Variants in ARFGAP1 observed in about 807,000 individuals in gnomAD.
ARFGAP1 encodes ARF GTPase activating protein 1, also known as ADP-ribosylation factor GTPase-activating protein 1.
ARFGAP1 carries 26 observed loss-of-function variants against 54.0 expected under a neutral mutation model. The ratio of observed to expected loss-of-function variants is 0.48; its 90% CI spans 0.35 to 0.67. ARFGAP1 has a LOEUF of 0.67. ARFGAP1 is among the 30% of genes least tolerant of loss of function. The probability of loss-of-function intolerance (pLI) is 0.00; values close to 1 mark genes in which losing one functional copy is unlikely to be tolerated. For synonymous variants in ARFGAP1, 248 were observed against 211.9 expected (o/e 1.17, Z -1.48); for missense variants, 525 against 535.8 (o/e 0.98, Z 0.20).
chr20:63,288,066 G>A lies in ARFGAP1; in HGVS notation c.*193G>A, dbSNP rs142784908. ...TGGGGAGTCTTCGGTGCGTGGGGGC[G>A]GCTTGCTGTCCAGCCTGTGTGGGGG... On this transcript the variant is annotated 3_prime_UTR_variant, in exon 13 of 13. Coordinates refer to ENST00000370283, the MANE Select transcript of ARFGAP1 (RefSeq NM_018209.4). The A allele has an allele frequency of 3.1e-5, 21 of 678,902 alleles. No individual in the cohort carries two copies. The highest frequency in any genetic ancestry group is 5.4e-5 in the African/African-American group (3 of 55,296). 42.1% of individuals were successfully genotyped at this position (678,902 alleles called of 1,614,324 possible).
intron 8 of ARFGAP1, among the ~76,000 whole-genome samples, chr20:63,281,820 G>A (rs2067388164): frequency 6.6e-6 from 1 of 152,194 alleles, no homozygotes; most frequent in African/African-American, 2.4e-5. Flanking sequence ...AGAGACCCAA[G>A]AGCAGGCCTG....
chr20:63,275,599 A>G lies in ARFGAP1; in HGVS notation c.19A>G (p.Arg7Gly), dbSNP rs958623163. Residue 7 changes from arginine to glycine, a missense_variant, in exon 2 of 13, where the codon AGG becomes GGG. Transcript: ENST00000370283. ...CAGCATCATGGCCAGCCCAAGAACC[A>G]GGAAGGTTCTTAAAGAAGTCAGGGT... The part of the protein sequence containing the change: MASPRT[R>G]KVLKEVRVQD... 1.2e-6 allele frequency: 2 copies of G among 1,613,802 alleles called. No individual in the cohort carries two copies. The highest frequency in any genetic ancestry group is 1.7e-6 in the Non-Finnish European group (2 of 1,180,002).
intron 1 of ARFGAP1, among the ~76,000 whole-genome samples, chr20:63,274,399 T>A (rs1944912100): frequency 6.8e-6 from 1 of 146,612 alleles, no homozygotes; most frequent in Admixed American, 7.2e-5. Context: ...TTTTGTTTTT[T>A]GTTTTTTAAA....
At chr20:63,286,253 T>G in intron 11 of ARFGAP1, 113 bp from the exon 12 acceptor site, 1 of 1,560,936 alleles carries the variant, frequency 6.4e-7, no homozygotes, top group South Asian at 1.2e-5. Flanking sequence ...GTTTCTGGAT[T>G]TTGCCTGGGT....
At chr20:63,282,118 C>T (rs1437903851) in intron 8 of ARFGAP1, among the ~76,000 whole-genome samples, 2 of 151,864 alleles carry the variant, frequency 1.3e-5, no homozygotes, top group East Asian at 1.9e-4. Flanking sequence ...GCACCTGTCA[C>T]ATGCCCCTGT....
At chr20:63,279,313 C>T (rs1291190664) in intron 7 of ARFGAP1, 1 of 452,678 alleles carries the variant, frequency 2.2e-6, no homozygotes, top group East Asian at 5.7e-5. Flanking sequence ...TCAGGTGATT[C>T]TCCTGCCTCA....
chr20:63,281,674 G>A (rs1406943128), intron 8 of ARFGAP1, among the ~76,000 whole-genome samples: 3 of 152,148 alleles, frequency 2.0e-5, no homozygotes, highest in Non-Finnish European at 4.4e-5. Context: ...GCAGGTCTCC[G>A]GCACCCTGTG....
At chr20:63,284,458 C>G in intron 9 of ARFGAP1, 1 of 1,100,382 alleles carries the variant, frequency 9.1e-7, no homozygotes, top group Non-Finnish European at 1.1e-6. Flanking sequence ...TCCGTGCCCT[C>G]TTCCCTCCAG....
In ARFGAP1 at chr20:63,288,513, G is replaced by A; in HGVS notation, c.*640G>A. On this transcript the variant is annotated 3_prime_UTR_variant, in exon 13 of 13. Transcript: ENST00000370283. Reference sequence around the variant, plus strand: ...ACCACCAAGTTCACCAGGTTCACCAGACACGGCCTCCACAATAGCCACACC... The same window carrying A: ...ACCACCAAGTTCACCAGGTTCACCAAACACGGCCTCCACAATAGCCACACC... The A allele has an allele frequency of 2.2e-6, 1 of 456,044 alleles. No homozygotes were observed. The highest frequency in any genetic ancestry group is 4.4e-6 in the Non-Finnish European group (1 of 226,776). The allele number at this position is 456,044 out of a possible 1,614,324, so 28.2% of individuals were successfully genotyped here. A position where few individuals can be genotyped will look rare whatever the true frequency, so the allele number is the denominator to read the frequency against.
In ARFGAP1 at chr20:63,276,344, C is replaced by A; in HGVS notation, c.171-136C>A. 1 of 1,372,284 alleles carries A rather than the reference C, an allele frequency of 7.3e-7. No individual in the cohort carries two copies. Among genetic ancestry groups the A allele is most frequent in the Non-Finnish European group, 1.0e-6 (1 of 989,126 alleles). 85.0% of individuals were successfully genotyped at this position (1,372,284 alleles called of 1,614,324 possible). A position where few individuals can be genotyped will look rare whatever the true frequency, so the allele number is the denominator to read the frequency against. On this transcript the variant is annotated intron_variant, in intron 3 of 12. Transcript: ENST00000370283. This position sits in a 1 kb window ranked among gnomAD's most constrained non-coding sequence, Gnocchi z 5.2. ...TGTCCACTCTAGTGACGCCATGGCA[C>A]AGAGTTCCAGCTGCTGGCCACTCAG...
chr20:63,286,327 G>T, intron 11 of ARFGAP1, 39 bp from the exon 12 acceptor site: 2 of 1,608,206 alleles, frequency 1.2e-6, no homozygotes, highest in Non-Finnish European at 1.7e-6. Context: ...CCTGTGCCGC[G>T]ACAGGGCCTG....
rs1281135970 is a variant in ARFGAP1 at position 63,277,311 on chromosome 20, T to C, written c.443+6T>C. On this transcript the variant is annotated splice_donor_region_variant and intron_variant, in intron 5 of 12. Coordinates refer to ENST00000370283, the MANE Select transcript of ARFGAP1 (RefSeq NM_018209.4). The stretch of plus-strand genomic sequence containing the variant: ...CTGCCGTCCATGGTGCACCGGTAGC[T>C]GCTCCTCGTGGGGCCTTAGTACAGT... 6 of 1,610,724 alleles carry C rather than the reference T, an allele frequency of 3.7e-6. No homozygotes were observed. The South Asian group carries it at 4.4e-5, about 12-fold the overall frequency.
At chr20:63,285,372 A>C in intron 10 of ARFGAP1, 1 of 535,172 alleles carries the variant, frequency 1.9e-6, no homozygotes, top group Non-Finnish European at 3.4e-6. Context: ...CAAGTGGGGA[A>C]GACCCACCTG....
intron 6 of ARFGAP1, 90 bp downstream of exon 6, chr20:63,278,293 A>G (rs2067284931): frequency 2.9e-6 from 4 of 1,361,682 alleles, no homozygotes; most frequent in Non-Finnish European, 4.1e-6. Context: ...GGGGCCTCCC[A>G]TGTGCAGTGG....
Position 63,278,451 on chromosome 20 carries a change from C to G in ARFGAP1, c.530+248C>G, listed in dbSNP as rs1482019498. 9.9e-6 allele frequency: 5 copies of G among 502,538 alleles called. No homozygotes were observed. In the East Asian group the frequency reaches 1.8e-4, roughly 18 times the overall value. The allele number at this position is 502,538 out of a possible 1,614,324, so 31.1% of individuals were successfully genotyped here. A position where few individuals can be genotyped will look rare whatever the true frequency, so the allele number is the denominator to read the frequency against. On this transcript the variant is annotated intron_variant, in intron 6 of 12. Transcript: ENST00000370283. ...GGTCTTAGATGTATTGCAGTGACCC[C>G]CAGCTGCCCAGGTGTGAATTGGGGG...
At chr20:63,275,358 C>G (rs567947563) in intron 1 of ARFGAP1, among the ~76,000 whole-genome samples, 1 of 152,142 alleles carries the variant, frequency 6.6e-6, no homozygotes, top group East Asian at 1.9e-4. Context: ...TCGCCCTGGC[C>G]GCAGCCTGGG....
At chr20:63,286,176 A>G in intron 11 of ARFGAP1, 190 bp from the exon 12 acceptor site, 1 of 1,550,032 alleles carries the variant, frequency 6.5e-7, no homozygotes, top group Non-Finnish European at 8.7e-7. Context: ...CATGTCCCGC[A>G]CACACCTGGC....
At chr20:63,286,731 C>T (rs1475585543) in intron 12 of ARFGAP1, 3 of 359,536 alleles carry the variant, frequency 8.3e-6, no homozygotes, top group Non-Finnish European at 1.5e-5. Flanking sequence ...TCTTTGGAAC[C>T]CTGCAGGAGC....
At chr20:63,284,718 C>T in intron 9 of ARFGAP1, 148 bp from the exon 10 acceptor site, 1 of 1,484,092 alleles carries the variant, frequency 6.7e-7, no homozygotes, top group Non-Finnish European at 9.0e-7. Context: ...TGTGCAAAGC[C>T]CCGTTTCCTG....
Sources: gnomAD v4.1 joint callset for allele counts (sites outside exome capture counted in the v4.1 genomes callset) on GRCh38, gnomAD v4.1.1 for gene constraint, Gnocchi (gnomAD v3.1) non-coding constraint, MANE v1.5 for transcripts, NCBI Gene and HGNC (gene_info 2026-07-23, HGNC 2026-07-21) for gene names.